The following SEC16B variants were observed in gnomAD, a reference collection of about 807,000 sequenced individuals.
SEC16B encodes SEC16 homolog B, endoplasmic reticulum export factor, also known as protein transport protein Sec16B.
In SEC16B, 115 loss-of-function variants were observed where a neutral mutation model predicts 141.8. The observed-to-expected ratio is 0.81, with a 90% confidence interval of 0.70 to 0.95. SEC16B has a LOEUF of 0.95. Among genes scored for constraint, SEC16B ranks in the 40% least tolerant of loss-of-function variants. SEC16B has a pLI of 0.00. For synonymous variants in SEC16B, 493 were observed against 492.5 expected, an observed-to-expected ratio of 1.00 and a Z score of -0.01; for missense variants, 1,291 against 1,312.3, an observed-to-expected ratio of 0.98 and a Z score of 0.25.
At chr1:177,930,071 C>T (rs779355475) in intron 25 of SEC16B, 142 bp from the exon 26 acceptor site, 3 of 747,574 alleles carry the variant, frequency 4.0e-6, no homozygotes, top group Non-Finnish European at 6.5e-6. Context: ...CGTACCTCCA[C>T]CCAACCCTTC....
At chr1:177,946,619 G>A (rs888519659) in intron 13 of SEC16B, 88 bp from the exon 14 acceptor site, 1 of 985,328 alleles carries the variant, frequency 1.0e-6, no homozygotes, top group Non-Finnish European at 1.5e-6. Context: ...AGATGGAAGA[G>A]TGGCCTCGGG....
chr1:177,977,768 A>T (rs1317482854), intron 1 of SEC16B, among the ~76,000 whole-genome samples: 1 of 152,202 alleles, frequency 6.6e-6, no homozygotes, highest in East Asian at 1.9e-4. Flanking sequence ...CAAAGGCCCA[A>T]AGGAAAGAAA....
chr1:177,967,683 C>G lies in SEC16B; in HGVS notation c.299G>C (p.Arg100Thr). The G allele has an allele frequency of 6.3e-7, 1 of 1,588,086 alleles. No individual in the cohort carries two copies. The highest frequency in any genetic ancestry group is 1.3e-5 in the African/African-American group (1 of 74,538). Residue 100 changes from arginine (R) to threonine (T), a missense_variant and splice_region_variant, in exon 2 of 26, where the codon AGG becomes ACG. Around this residue, in one of 3 missense-constraint regions of SEC16B, gnomAD observed 681 missense variants for 675.5 expected, o/e 1.01. Transcript: ENST00000308284. ...EGGYRNQLYSRPGYENSYQSY... is the reference protein window; with the variant it reads ...EGGYRNQLYSTPGYENSYQSY... ...TTCATTCCAAGCCCTAAAGCCATAC[C>G]TTGAATACAACTGATTGCGATAACC...
At chr1:177,948,048 C>T (rs1041931640) in intron 12 of SEC16B, 106 bp from the exon 13 acceptor site, 3 of 868,390 alleles carry the variant, frequency 3.5e-6, no homozygotes. Flanking sequence ...CAGAGAATGC[C>T]CACTCTACCA....
At chr1:177,962,467 T>C (rs1295076610) in intron 5 of SEC16B, among the ~76,000 whole-genome samples, 1 of 151,530 alleles carries the variant, frequency 6.6e-6, no homozygotes, top group African/African-American at 2.4e-5. Flanking sequence ...CCAGGTATGA[T>C]GGCTCTCACC....
rs879704170 is a variant in SEC16B, at chr1:177,958,052, C to T, written c.1365+80G>A. The stretch of plus-strand genomic sequence containing the variant: ...CCCTGAAATGAGTATATACTATTCA[C>T]ATAATTTGAGCAGCGGTGAGTGGTG... On this transcript the variant is annotated intron_variant, in intron 10 of 25. Coordinates refer to ENST00000308284, the MANE Select transcript of SEC16B (RefSeq NM_033127.4). The T allele has an allele frequency of 6.3e-5, 63 of 994,032 alleles. 1 individual carries two copies. In the Middle Eastern group the frequency reaches 8.7e-4, roughly 14 times the overall value. 61.6% of individuals were successfully genotyped at this position (994,032 alleles called of 1,614,324 possible). A position where few individuals can be genotyped will look rare whatever the true frequency, so the allele number is the denominator to read the frequency against.
Position 177,958,121 on chromosome 1 carries a change from G to A in SEC16B, c.1365+11C>T. 3 of 1,475,214 alleles carry A rather than the reference G, an allele frequency of 2.0e-6. No homozygotes were observed. Among genetic ancestry groups the A allele is most frequent in the Non-Finnish European group, 2.7e-6 (3 of 1,106,590 alleles). 91.4% of individuals were successfully genotyped at this position (1,475,214 alleles called of 1,614,324 possible). A position where few individuals can be genotyped will look rare whatever the true frequency, so the allele number is the denominator to read the frequency against. On this transcript the variant is annotated intron_variant, in intron 10 of 25. Transcript: ENST00000308284. ...TTTTTCAAAATAAGTATGGGGGAAG[G>A]GCATACTTGCCTTCTTCCTTCCATA...
chr1:177,939,129 G>A (rs1651086896), intron 18 of SEC16B, among the ~76,000 whole-genome samples: 1 of 152,224 alleles, frequency 6.6e-6, no homozygotes, highest in African/African-American at 2.4e-5. Context: ...ACAGGGCTGG[G>A]AAGAGACGGG....
Position 177,939,729 on chromosome 1 carries a change from T to C in SEC16B, c.2176A>G (p.Ile726Val), listed in dbSNP as rs769653649. The C allele has an allele frequency of 8.3e-5, 133 of 1,597,642 alleles. No individual in the cohort carries two copies. Among genetic ancestry groups the C allele is most frequent in the Non-Finnish European group, 1.1e-4 (132 of 1,171,312 alleles). Residue 726 changes from isoleucine to valine, a missense_variant, in exon 18 of 26, where the codon ATT (isoleucine) becomes GTT (valine). Transcript: ENST00000308284. ...IGDPHPTRSD[I>V]SGAGGTTTEN... ...GTTGTTGTTCCTCCGGCTCCCGAAATATCTGAGCGAGTAGGATGAGGATCC... is the reference window on the plus strand; with the variant it reads ...GTTGTTGTTCCTCCGGCTCCCGAAACATCTGAGCGAGTAGGATGAGGATCC...
upstream of SEC16B, among the ~76,000 whole-genome samples, chr1:177,972,533 C>A (rs1654001999): frequency 6.6e-6 from 1 of 152,188 alleles, no homozygotes; most frequent in Non-Finnish European, 1.5e-5. Context: ...TGGCTACAGT[C>A]TTCACATCAT....
chr1:177,933,665 C>T, intron 20 of SEC16B, 29 bp from the exon 21 acceptor site: 2 of 1,612,124 alleles, frequency 1.2e-6, no homozygotes, highest in Non-Finnish European at 1.7e-6. Context: ...CTCACATTTG[C>T]ATGGCACTTG....
chr1:177,965,229 A>G (rs1239662181), intron 3 of SEC16B, 62 bp from the exon 4 acceptor site: 1 of 1,591,524 alleles, frequency 6.3e-7, no homozygotes, highest in African/African-American at 1.3e-5. Flanking sequence ...AGTTCTTAGA[A>G]AGATATTAGT....
intron 2 of SEC16B, among the ~76,000 whole-genome samples, chr1:177,966,545 T>C (rs1387434693): frequency 2.0e-5 from 3 of 151,410 alleles, no homozygotes; most frequent in Non-Finnish European, 1.5e-5. Flanking sequence ...AGGAACATCA[T>C]AATATTAATG....
chr1:177,981,668 G>C (rs1376017158), intron 1 of SEC16B, among the ~76,000 whole-genome samples: 2 of 152,140 alleles, frequency 1.3e-5, no homozygotes. Context: ...TAAGTGTTAG[G>C]GTAGAAGTTA....
chr1:177,952,835 C>T lies in SEC16B; in HGVS notation c.1464-840G>A, dbSNP rs193033095. On this transcript the variant is annotated intron_variant, in intron 11 of 25. Coordinates refer to ENST00000308284, the MANE Select transcript of SEC16B (RefSeq NM_033127.4). ...CGTATCACAATACAATTTCTGTGTT[C>T]CTCACCATTCCAGTCTCAGAGGATA... Among the ~76,000 whole-genome samples, 221 of 152,190 alleles carry T rather than the reference C, an allele frequency of 1.5e-3. 1 individual carries two copies. Among genetic ancestry groups the T allele is most frequent in the Middle Eastern group, 3.4e-3 (1 of 294 alleles).
chr1:177,949,035 T>G (rs1651961851), intron 12 of SEC16B, among the ~76,000 whole-genome samples: 1 of 151,910 alleles, frequency 6.6e-6, no homozygotes, highest in Non-Finnish European at 1.5e-5. Flanking sequence ...GGCAGAAGAT[T>G]GCCAATAATA....
intron 10 of SEC16B, among the ~76,000 whole-genome samples, chr1:177,957,201 C>T (rs1378562741): frequency 6.6e-6 from 1 of 151,986 alleles, no homozygotes; most frequent in Non-Finnish European, 1.5e-5. Context: ...CAGGCAAAGA[C>T]TTATGTAACA....
chr1:177,929,588 T>C lies in SEC16B; in HGVS notation c.*270A>G, dbSNP rs1267417543. ...GCCACCACCATAAGTGCCACCACCA[T>C]GTCACTCTGCTCATGTGCAGTCTGC... On this transcript the variant is annotated 3_prime_UTR_variant, in exon 26 of 26. Coordinates refer to ENST00000308284, the MANE Select transcript of SEC16B (RefSeq NM_033127.4). 1.4e-5 allele frequency: 6 copies of C among 444,162 alleles called. No individual in the cohort carries two copies. Among genetic ancestry groups the C allele is most frequent in the Non-Finnish European group, 2.1e-5 (5 of 243,046 alleles). The allele number at this position is 444,162 out of a possible 1,614,324, so 27.5% of individuals were successfully genotyped here.
upstream of SEC16B, chr1:177,973,236 T>C (rs1458441987): frequency 6.6e-6 from 1 of 152,216 alleles, no homozygotes; most frequent in East Asian, 1.9e-4. Context: ...AGCACTGTGA[T>C]TTAATGACTG....
Sources: allele counts gnomAD v4.1 joint callset (sites outside exome capture counted in the v4.1 genomes callset), GRCh38; gene constraint gnomAD v4.1.1; regional missense constraint gnomAD v4.1.1; transcripts MANE v1.5; gene names NCBI Gene and HGNC (gene_info 2026-07-23, HGNC 2026-07-21).